PTGES2: variants seen among roughly 807,000 people sequenced by gnomAD.
The protein encoded by PTGES2 is prostaglandin E synthase 2, also known as GATE-binding factor 1.
A neutral mutation model predicts 44.5 loss-of-function variants in PTGES2; 35 were observed. That is an observed-to-expected ratio of 0.79 (90% CI 0.60 to 1.04). The LOEUF (loss-of-function observed/expected upper bound fraction) is 1.04. Among genes scored for constraint, PTGES2 ranks in the 50% least tolerant of loss-of-function variants. The pLI, the probability that PTGES2 is intolerant of heterozygous loss-of-function variation, is 0.00. For missense variants in PTGES2, 517 were observed against 521.4 expected, an observed-to-expected ratio of 0.99 and a Z score of 0.08; for synonymous variants, 221 against 227.5, an observed-to-expected ratio of 0.97 and a Z score of 0.26.
At chr9:128,125,498 G>A (rs1834585999) in intron 1 of PTGES2, 57 bp from the exon 2 acceptor site, 5 of 1,537,282 alleles carry the variant, frequency 3.3e-6, no homozygotes, top group African/African-American at 1.4e-5. Flanking sequence ...CCCAGGCCCT[G>A]CCCCCAAGGG....
intron 6 of PTGES2, 68 bp downstream of exon 6, chr9:128,122,294 T>G: frequency 1.5e-6 from 2 of 1,299,152 alleles, no homozygotes; most frequent in Non-Finnish European, 2.2e-6. Context: ...AGGCTTTCCC[T>G]TGCAAACCTC....
upstream of PTGES2, chr9:128,128,083 C>G: frequency 2.8e-6 from 1 of 354,480 alleles, no homozygotes; most frequent in Admixed American, 4.3e-5. Context: ...GGCGCCCATT[C>G]AAAACAACTC....
At chr9:128,128,179 G>C (rs796844576), upstream of PTGES2, 1 of 379,606 alleles carries the variant, frequency 2.6e-6, no homozygotes, top group Non-Finnish European at 5.2e-6. Context: ...CAGGTGTTGC[G>C]GTTCTCTCTG....
intron 5 of PTGES2, 52 bp downstream of exon 5, chr9:128,122,882 G>A (rs1056053729): frequency 6.3e-6 from 10 of 1,588,830 alleles, no homozygotes; most frequent in South Asian, 3.3e-5. Flanking sequence ...ACCACTGCTC[G>A]TGGCACCGGA....
At chr9:128,122,242 CAG>C (rs897538550) in intron 6 of PTGES2, 118 bp downstream of exon 6, 4 of 767,470 alleles carry the variant, frequency 5.2e-6, no homozygotes, top group Non-Finnish European at 8.8e-6. Context: ...TCCGTGATGG[CAG>C]AGAGAGGCAG....
Position 128,121,056 on chromosome 9 carries a change from A to C in PTGES2, c.*89T>G. The C allele has an allele frequency of 1.3e-6, 2 of 1,500,828 alleles. No individual in the cohort carries two copies. Among genetic ancestry groups the C allele is most frequent in the Non-Finnish European group, 1.8e-6 (2 of 1,112,876 alleles). The allele number at this position is 1,500,828 out of a possible 1,614,324, so 93.0% of individuals were successfully genotyped here. ...CAAGGGGCAGAATGATCCTGCCCCC[A>C]ACCAGTATCGCCAGGCGCTGGCCCA... On this transcript the variant is annotated 3_prime_UTR_variant, in exon 7 of 7. Transcript: ENST00000338961.
rs531039770 is a variant in PTGES2, at chr9:128,127,683, C to T, written c.35G>A (p.Trp12Ter). The T allele has an allele frequency of 7.9e-5, 103 of 1,296,544 alleles. No homozygotes were observed. In the East Asian group the frequency reaches 3.1e-3, roughly 39 times the overall value. 80.3% of individuals were successfully genotyped at this position (1,296,544 alleles called of 1,614,324 possible). Residue 12 changes from tryptophan to a stop codon, truncating the protein, a stop_gained, in exon 1 of 7, where the codon TGG becomes TAG. Coordinates refer to ENST00000338961, the MANE Select transcript of PTGES2 (RefSeq NM_025072.7). LOFTEE classifies it high-confidence loss of function. ...DPAARVVRALWPGGCALAWRL... is the reference protein window; with the variant it reads ...DPAARVVRAL ...CCAGGCCAAGGCGCACCCACCAGGC[C>T]ACAGCGCCCGCACCACCCGCGCAGC...
Position 128,123,962 on chromosome 9 carries a change from C to CA in PTGES2, c.537-112_537-111insT. ...GGAGCCAGGACCAACAAAGGCTCTC[C>CA]GGACTCTTGCAGTAAGAGGGATTTG... is the stretch of plus-strand genomic sequence containing the variant. On this transcript the variant is annotated intron_variant, in intron 3 of 6. Coordinates refer to ENST00000338961, the MANE Select transcript of PTGES2 (RefSeq NM_025072.7). The surrounding 1 kb of genome is among the most constrained non-coding windows in gnomAD (Gnocchi z 4.4). 1 of 1,242,928 alleles carries CA rather than the reference C, an allele frequency of 8.0e-7. No homozygotes were observed. Among genetic ancestry groups the CA allele is most frequent in the Non-Finnish European group, 1.1e-6 (1 of 885,346 alleles). The allele number at this position is 1,242,928 out of a possible 1,614,324, so 77.0% of individuals were successfully genotyped here.
rs1032333952 is a variant in PTGES2, at chr9:128,123,915, C to T, written c.537-64G>A. The T allele has an allele frequency of 1.3e-5, 21 of 1,569,598 alleles. No individual in the cohort carries two copies. In the African/African-American group the frequency reaches 2.4e-4, roughly 18 times the overall value. On this transcript the variant is annotated intron_variant, in intron 3 of 6. Coordinates refer to ENST00000338961, the MANE Select transcript of PTGES2 (RefSeq NM_025072.7). The surrounding 1 kb of genome is among the most constrained non-coding windows in gnomAD (Gnocchi z 4.4). ...CCTCCGTCCCCTGTGGCCGACCAAC[C>T]CCGCTGCCCCAGCCTCAGAGTGGAG...
At chr9:128,127,739 G>A, upstream of PTGES2, 1 of 1,252,378 alleles carries the variant, frequency 8.0e-7, no homozygotes, top group Non-Finnish European at 1.0e-6. Flanking sequence ...CGGCGCCGCG[G>A]GCGGGCGCGC....
chr9:128,121,971 C>G (rs1834427857), intron 6 of PTGES2, among the ~76,000 whole-genome samples: 1 of 151,998 alleles, frequency 6.6e-6, no homozygotes, highest in African/African-American at 2.4e-5. Flanking sequence ...GGCAGTGAAG[C>G]CAGGCCAGTG....
chr9:128,125,563 G>C (rs1834589062), intron 1 of PTGES2, 122 bp from the exon 2 acceptor site: 1 of 898,732 alleles, frequency 1.1e-6, no homozygotes, highest in African/African-American at 1.6e-5. Context: ...AGAGGAACTA[G>C]AGATGGAAGG....
chr9:128,124,548 T>A lies in PTGES2; in HGVS notation c.480A>T (p.Gln160His). 1 of 1,613,234 alleles carries A rather than the reference T, an allele frequency of 6.2e-7. No individual in the cohort carries two copies. Among genetic ancestry groups the A allele is most frequent in the Non-Finnish European group, 8.5e-7 (1 of 1,179,428 alleles). Residue 160 changes from glutamine to histidine, a missense_variant and splice_region_variant, in exon 3 of 7, where the codon CAA (glutamine) becomes CAT (histidine). Physicochemically the swap from Gln to His is conservative, Grantham distance 24. Transcript: ENST00000338961. ...TGATGACAGAGGAGTCATTTAGTTG[T>A]TGCTGGAAGAGAAAAGGGTGGTTTA... ...ILVAQEGESSQQLNDSSVIIS... is the reference protein window; with the variant it reads ...ILVAQEGESSHQLNDSSVIIS...
At position 128,121,104 on chromosome 9, in the gene PTGES2, G is replaced by A. The variant is rs1346448369; in HGVS notation, c.*41C>T. On this transcript the variant is annotated 3_prime_UTR_variant, in exon 7 of 7. Transcript: ENST00000338961. The stretch of plus-strand genomic sequence containing the variant: ...CCAGTGGCCCCAGGCCCTGGCAGCT[G>A]GCGTCTTCCGCTGCCTTCCCTCTGC... 2 of 1,556,640 alleles carry A rather than the reference G, an allele frequency of 1.3e-6. No individual in the cohort carries two copies. Among genetic ancestry groups the A allele is most frequent in the South Asian group, 2.4e-5 (2 of 84,390 alleles).
chr9:128,125,971 A>T (rs1432523191), intron 1 of PTGES2, among the ~76,000 whole-genome samples: 1 of 152,184 alleles, frequency 6.6e-6, no homozygotes, highest in Non-Finnish European at 1.5e-5. Context: ...CAGTAGCTTG[A>T]TCACAGCTCA....
rs13286815 is a variant in PTGES2, at chr9:128,126,214, T to C, written c.280-773A>G. ...AGGAAGGGAGACACAGAGTACTCCA[T>C]GCCCTTTTTACCCACCTCTGTTCCC... On this transcript the variant is annotated intron_variant, in intron 1 of 6. Coordinates refer to ENST00000338961, the MANE Select transcript of PTGES2 (RefSeq NM_025072.7). 9.3e-3 allele frequency among the ~76,000 whole-genome samples: 1,413 copies of C among 152,342 alleles called. 7 individuals are homozygous for C. Among genetic ancestry groups the C allele is most frequent in the Non-Finnish European group, 0.016 (1,102 of 68,028 alleles).
chr9:128,125,705 C>T (rs55634279), intron 1 of PTGES2, among the ~76,000 whole-genome samples: 1,869 of 152,284 alleles, frequency 0.012, 31 homozygotes, highest in East Asian at 0.07. Context: ...CTGTCCCATA[C>T]TGGACAGACC....
chr9:128,125,777 CCA>C (rs1834596801), intron 1 of PTGES2, among the ~76,000 whole-genome samples: 1 of 152,212 alleles, frequency 6.6e-6, no homozygotes. Context: ...CACCCCACTC[CCA>C]CAGACATGGA....
upstream of PTGES2, chr9:128,127,872 C>T (rs905183838): frequency 7.6e-6 from 6 of 789,538 alleles, no homozygotes; most frequent in South Asian, 5.3e-5. Context: ...GGCGTGTGCC[C>T]GGCGCCCAAG....
Sources: gnomAD v4.1 joint callset for allele counts (sites outside exome capture counted in the v4.1 genomes callset) on GRCh38, gnomAD v4.1.1 for gene constraint, Gnocchi (gnomAD v3.1) non-coding constraint, MANE v1.5 for transcripts, NCBI Gene and HGNC (gene_info 2026-07-23, HGNC 2026-07-21) for gene names.